TMEM150C: variants seen among roughly 807,000 people sequenced by gnomAD.
The protein encoded by TMEM150C is transmembrane protein 150C.
A neutral mutation model predicts 29.9 loss-of-function variants in TMEM150C; 10 were observed. The ratio of observed to expected loss-of-function variants is 0.33; its 90% confidence interval spans 0.21 to 0.57. The LOEUF (loss-of-function observed/expected upper bound fraction) is 0.57, where lower values mean the gene tolerates loss of function less well. Ranked by LOEUF, TMEM150C falls within the 20% of genes least tolerant of loss-of-function variation. TMEM150C has a pLI of 0.88. For missense variants in TMEM150C, 251 were observed against 303.6 expected (o/e 0.83, Z 1.29); for synonymous variants, 101 against 112.5 (o/e 0.90, Z 0.64).
At chr4:82,515,198 C>G (rs866134991) in intron 1 of TMEM150C, among the ~76,000 whole-genome samples, 4 of 152,168 alleles carry the variant, frequency 2.6e-5, no homozygotes, top group African/African-American at 9.7e-5. Flanking sequence ...AGGTGGTTCC[C>G]CTCAGCACAG....
intron 1 of TMEM150C, among the ~76,000 whole-genome samples, chr4:82,544,116 T>C (rs1336118637): frequency 2.0e-5 from 3 of 152,166 alleles, no homozygotes; most frequent in East Asian, 3.8e-4. Context: ...GCAGTAAATA[T>C]TCATTAAGTT....
intron 5 of TMEM150C, among the ~76,000 whole-genome samples, chr4:82,497,529 G>A (rs892257110): frequency 2.6e-5 from 4 of 152,134 alleles, no homozygotes; most frequent in African/African-American, 9.7e-5. Context: ...TTAGTTCTAA[G>A]TACTTCTGAT....
At chr4:82,540,114 CTTTTTTTTTTTTTTTTTTTTTTTTT>C (rs577728662) in intron 1 of TMEM150C, among the ~76,000 whole-genome samples, 3 of 47,254 alleles carry the variant, frequency 6.3e-5, no homozygotes, top group Non-Finnish European at 1.6e-4. Context: ...TCTACCTATT[CTTTTTTTTTTTTTTTTTTTTTTTTT>C]TTTTTTTTTT....
rs1725703358 is a variant in TMEM150C, at chr4:82,555,295, G to GTA, written c.-11+6609_-11+6610dup. Among the ~76,000 whole-genome samples, 4 of 152,192 alleles carry GTA rather than the reference G, an allele frequency of 2.6e-5. No homozygotes were observed. The South Asian group carries it at 8.3e-4, about 31-fold the overall frequency. Reference sequence around the variant, plus strand: ...ATAACTTAGGATGTAGTAAATAGTGGTAGATTTATAAGACAGACATATCCA... The same window carrying GTA: ...ATAACTTAGGATGTAGTAAATAGTGGTATAGATTTATAAGACAGACATATCCA... On this transcript the variant is annotated intron_variant, in intron 1 of 7. Coordinates refer to ENST00000449862, the MANE Select transcript of TMEM150C (RefSeq NM_001080506.3).
intron 5 of TMEM150C, among the ~76,000 whole-genome samples, chr4:82,496,534 T>C (rs1453116111): frequency 1.3e-5 from 2 of 152,230 alleles, no homozygotes; most frequent in Non-Finnish European, 2.9e-5. Context: ...CTATGAATAG[T>C]GTTGTTCTCA....
At chr4:82,555,403 G>A (rs780258272) in intron 1 of TMEM150C, among the ~76,000 whole-genome samples, 2 of 152,154 alleles carry the variant, frequency 1.3e-5, no homozygotes, top group Non-Finnish European at 2.9e-5. Flanking sequence ...GACAGCTCTG[G>A]AGACAAAATC....
At chr4:82,490,264 A>T (rs1047335661) in intron 6 of TMEM150C, 26 bp from the exon 7 acceptor site, 2 of 1,606,060 alleles carry the variant, frequency 1.2e-6, no homozygotes, top group Admixed American at 3.4e-5. Flanking sequence ...ATAATGACAC[A>T]TGAAGGCCCA....
chr4:82,500,186 A>G (rs1417466320), intron 5 of TMEM150C, among the ~76,000 whole-genome samples: 2 of 152,264 alleles, frequency 1.3e-5, no homozygotes, highest in Non-Finnish European at 2.9e-5. Flanking sequence ...AAAAGATAAA[A>G]TATCTTTGCT....
intron 1 of TMEM150C, among the ~76,000 whole-genome samples, chr4:82,540,313 T>A (rs1428670307): frequency 2.0e-5 from 3 of 151,478 alleles, no homozygotes; most frequent in Admixed American, 2.0e-4. Flanking sequence ...GGTCTCACTA[T>A]GTGGCCCAGG....
At chr4:82,516,924 C>T (rs777008129) in intron 1 of TMEM150C, among the ~76,000 whole-genome samples, 50 of 152,302 alleles carry the variant, frequency 3.3e-4, no homozygotes, top group Middle Eastern at 3.4e-3. Context: ...TGTACATCAT[C>T]CTGCATCCTT....
intron 5 of TMEM150C, among the ~76,000 whole-genome samples, chr4:82,497,104 T>C (rs1365860780): frequency 6.6e-6 from 1 of 152,214 alleles, no homozygotes; most frequent in Non-Finnish European, 1.5e-5. Flanking sequence ...AAATCTGACT[T>C]CTAATAGTAA....
intron 6 of TMEM150C, chr4:82,495,737 T>G (rs1235433024): frequency 3.1e-6 from 1 of 327,320 alleles, no homozygotes; most frequent in Non-Finnish European, 6.0e-6. Flanking sequence ...TTCCCACCAC[T>G]GATTCGGACC....
chr4:82,498,567 G>A (rs1028447725), intron 5 of TMEM150C, among the ~76,000 whole-genome samples: 1 of 152,204 alleles, frequency 6.6e-6, no homozygotes, highest in Non-Finnish European at 1.5e-5. Flanking sequence ...TGGGACTACA[G>A]TGAGCCACCG....
Position 82,485,679 on chromosome 4 carries a change from G to A in TMEM150C, c.582C>T (p.Ala194=). ...ACATGACCAGGCCCCACTGGACCCTGGCTGCATACATGTGGATGCTTTGGG... is the reference window on the plus strand; with the variant it reads ...ACATGACCAGGCCCCACTGGACCCTAGCTGCATACATGTGGATGCTTTGGG... ...LMAQSIHMYA[A]RVQWGLVMCF... Residue 194 remains alanine, a synonymous_variant, in exon 8 of 8, where the codon GCC becomes GCT. Transcript: ENST00000449862. The A allele has an allele frequency of 2.5e-6, 4 of 1,609,624 alleles. No individual in the cohort carries two copies. The South Asian group carries it at 3.3e-5, about 13-fold the overall frequency.
At chr4:82,490,940 G>A in intron 6 of TMEM150C, 1 of 726,728 alleles carries the variant, frequency 1.4e-6, no homozygotes, top group South Asian at 1.4e-5. Context: ...CATCGGATCT[G>A]TTTTTGTAAT....
intron 1 of TMEM150C, among the ~76,000 whole-genome samples, chr4:82,531,524 G>A (rs1028737551): frequency 1.3e-5 from 2 of 152,138 alleles, no homozygotes; most frequent in African/African-American, 4.8e-5. Context: ...GGAGGCCAAG[G>A]TGGGTGGATC....
At chr4:82,543,508 T>C (rs1437129235) in intron 1 of TMEM150C, among the ~76,000 whole-genome samples, 4 of 152,226 alleles carry the variant, frequency 2.6e-5, no homozygotes, top group Non-Finnish European at 5.9e-5. Flanking sequence ...TTACTACTTT[T>C]TCTAGCCTAC....
At chr4:82,562,144 C>T, upstream of TMEM150C, 1 of 1,272,076 alleles carries the variant, frequency 7.9e-7, no homozygotes, top group Non-Finnish European at 1.0e-6. Context: ...GCCACCCCCC[C>T]GGGGCCCCTA....
chr4:82,530,340 G>C (rs554345020), intron 1 of TMEM150C, among the ~76,000 whole-genome samples: 1 of 151,982 alleles, frequency 6.6e-6, no homozygotes, highest in Non-Finnish European at 1.5e-5. Context: ...GGTGGATCAC[G>C]AGGTTAGGAG....
Sources: allele counts gnomAD v4.1 joint callset (sites outside exome capture counted in the v4.1 genomes callset), GRCh38; gene constraint gnomAD v4.1.1; transcripts MANE v1.5; gene names NCBI Gene and HGNC (gene_info 2026-07-23, HGNC 2026-07-21).